TMEM117: variants seen among roughly 807,000 people sequenced by gnomAD.
TMEM117 encodes transmembrane protein 117.
Under a neutral mutation model 52.4 loss-of-function variants are expected in TMEM117, and 27 were observed. That is an observed-to-expected ratio of 0.51 (90% CI 0.38 to 0.71). The LOEUF is 0.71. TMEM117 is among the 30% of genes least tolerant of loss of function. The pLI, the probability that TMEM117 is intolerant of heterozygous loss-of-function variation, is 0.00. For missense variants in TMEM117, 556 were observed against 630.5 expected (o/e 0.88, Z 1.26); for synonymous variants, 215 against 206.3 (o/e 1.04, Z -0.36).
intron 5 of TMEM117, among the ~76,000 whole-genome samples, chr12:44,256,155 A>G (rs1055714668): frequency 1.3e-5 from 2 of 151,890 alleles, no homozygotes; most frequent in Non-Finnish European, 1.5e-5. Flanking sequence ...ATGTGCATAC[A>G]TATACACATA....
rs1041060289 is a variant in TMEM117 at position 43,880,077 on chromosome 12, C to T, written c.277+35149C>T. Among the ~76,000 whole-genome samples the T allele has an allele frequency of 7.0e-4, 106 of 152,188 alleles. 1 individual carries two copies. Among genetic ancestry groups the T allele is most frequent in the African/African-American group, 2.5e-3 (104 of 41,540 alleles). On this transcript the variant is annotated intron_variant, in intron 2 of 7. Coordinates refer to ENST00000266534, the MANE Select transcript of TMEM117 (RefSeq NM_032256.3). ...TTTCAGGTAGCATTTTTCATACTTC[C>T]CTATTTCATCAACTTTTAGTACAAA...
At chr12:44,079,067 TATCCCATG>T (rs1381734525) in intron 3 of TMEM117, among the ~76,000 whole-genome samples, 1 of 152,184 alleles carries the variant, frequency 6.6e-6, no homozygotes, top group Non-Finnish European at 1.5e-5. Flanking sequence ...GGCTGCATAG[TATCCCATG>T]GTGTATATGT....
At chr12:43,871,609 A>G (rs996948007) in intron 2 of TMEM117, among the ~76,000 whole-genome samples, 10 of 152,226 alleles carry the variant, frequency 6.6e-5, no homozygotes, top group Admixed American at 3.3e-4. Flanking sequence ...AGCTGTCTCC[A>G]CAACAGTGAC....
intron 5 of TMEM117, among the ~76,000 whole-genome samples, chr12:44,282,106 C>T (rs534114773): frequency 2.0e-5 from 3 of 152,048 alleles, no homozygotes; most frequent in African/African-American, 7.3e-5. Context: ...GCTTCTTTCT[C>T]ATTTTTCTCT....
At chr12:44,026,205 A>C (rs1430493540) in intron 3 of TMEM117, among the ~76,000 whole-genome samples, 1 of 152,206 alleles carries the variant, frequency 6.6e-6, no homozygotes, top group Non-Finnish European at 1.5e-5. Flanking sequence ...TTTTTTAACC[A>C]TCTGCAGTGG....
At chr12:43,927,272 T>G (rs900752174) in intron 2 of TMEM117, among the ~76,000 whole-genome samples, 2 of 152,072 alleles carry the variant, frequency 1.3e-5, no homozygotes, top group African/African-American at 4.8e-5. Flanking sequence ...CTGTGTGATA[T>G]CTAATCTTTG....
chr12:44,330,933 A>G (rs994356228), intron 6 of TMEM117, among the ~76,000 whole-genome samples: 3 of 152,038 alleles, frequency 2.0e-5, no homozygotes, highest in African/African-American at 7.2e-5. Context: ...GTTTTATACT[A>G]TTTTACATTT....
At position 44,199,242 on chromosome 12, in the gene TMEM117, C is replaced by T. The variant is rs529446111; in HGVS notation, c.511-12048C>T. Among the ~76,000 whole-genome samples the T allele has an allele frequency of 2.7e-4, 41 of 152,162 alleles. No individual in the cohort carries two copies. In the Middle Eastern group the frequency reaches 0.01, roughly 38 times the overall value. ...TATATCCTGAACCATATTCCATGGG[C>T]GGTAAAAGTTCTCAAACATTAGATC... On this transcript the variant is annotated intron_variant, in intron 4 of 7. Coordinates refer to ENST00000266534, the MANE Select transcript of TMEM117 (RefSeq NM_032256.3).
At chr12:44,284,084 G>A (rs543132432) in intron 5 of TMEM117, among the ~76,000 whole-genome samples, 6 of 152,268 alleles carry the variant, frequency 3.9e-5, no homozygotes, top group Admixed American at 6.5e-5. Flanking sequence ...GGAGGCTGAC[G>A]CGGGCAGACC....
At chr12:44,180,360 T>C (rs1472273259) in intron 4 of TMEM117, among the ~76,000 whole-genome samples, 1 of 152,160 alleles carries the variant, frequency 6.6e-6, no homozygotes, top group East Asian at 1.9e-4. Context: ...ATCTTTTTTT[T>C]TTTTTATTAT....
At chr12:43,817,386 G>C in the TMEM117 span, among the ~76,000 whole-genome samples, 1 of 152,202 alleles carries the variant, frequency 6.6e-6, no homozygotes, top group Non-Finnish European at 1.5e-5. Context: ...TTGATTATAT[G>C]ATTGAAAAGA....
At chr12:44,353,419 TA>T (rs1951596267) in intron 6 of TMEM117, among the ~76,000 whole-genome samples, 1 of 152,202 alleles carries the variant, frequency 6.6e-6, no homozygotes, top group South Asian at 2.1e-4. Context: ...GTAGGGTTTT[TA>T]TGGTTTTAGG....
chr12:44,119,528 T>C (rs1278890244), intron 3 of TMEM117, among the ~76,000 whole-genome samples: 2 of 152,194 alleles, frequency 1.3e-5, no homozygotes, highest in Non-Finnish European at 2.9e-5. Flanking sequence ...CTTGCTTGTG[T>C]CATTTAAGTG....
intron 3 of TMEM117, among the ~76,000 whole-genome samples, chr12:44,062,608 ACT>A (rs1338632286): frequency 6.6e-6 from 1 of 152,174 alleles, no homozygotes; most frequent in East Asian, 1.9e-4. Flanking sequence ...TGTGAGAAGG[ACT>A]TTTTTGATTA....
rs578126828 is a variant in TMEM117 at position 44,332,624 on chromosome 12, T to C, written c.768+32885T>C. On this transcript the variant is annotated intron_variant, in intron 6 of 7. Transcript: ENST00000266534. ...ATTAGGAGAAGTATGGAATTTATTA[T>C]AGAATTTTCATAAGTCTATGAACTT... Among the ~76,000 whole-genome samples, 56 of 152,072 alleles carry C rather than the reference T, an allele frequency of 3.7e-4. 1 individual carries two copies. The highest frequency in any genetic ancestry group is 6.8e-3 in the Middle Eastern group (2 of 294).
intron 4 of TMEM117, among the ~76,000 whole-genome samples, chr12:44,161,912 G>GT (rs1948903630): frequency 6.6e-6 from 1 of 152,072 alleles, no homozygotes; most frequent in Admixed American, 6.6e-5. Context: ...GGTGAGAGAG[G>GT]TAGTGAGGTC....
chr12:44,197,044 A>C (rs1949430202), intron 4 of TMEM117, among the ~76,000 whole-genome samples: 1 of 152,182 alleles, frequency 6.6e-6, no homozygotes, highest in Non-Finnish European at 1.5e-5. Flanking sequence ...TATTATGCAA[A>C]CAAAATGGCA....
At chr12:44,040,620 C>T (rs1412287163) in intron 3 of TMEM117, among the ~76,000 whole-genome samples, 2 of 152,128 alleles carry the variant, frequency 1.3e-5, no homozygotes, top group Non-Finnish European at 2.9e-5. Context: ...AATCCTTATA[C>T]ACTTTATATC....
chr12:44,332,196 C>G (rs1951279898), intron 6 of TMEM117, among the ~76,000 whole-genome samples: 1 of 151,990 alleles, frequency 6.6e-6, no homozygotes, highest in South Asian at 2.1e-4. Flanking sequence ...TTTCCCATAT[C>G]TATAAAATGG....
Sources: gnomAD v4.1 joint callset for allele counts (sites outside exome capture counted in the v4.1 genomes callset) on GRCh38, gnomAD v4.1.1 for gene constraint, MANE v1.5 for transcripts, NCBI Gene and HGNC (gene_info 2026-07-23, HGNC 2026-07-21) for gene names.